The following CTNND2 variants were observed in gnomAD, a reference collection of about 807,000 sequenced individuals.
The protein encoded by CTNND2 is catenin delta 2, also known as catenin delta-2.
CTNND2 carries 22 observed loss-of-function variants against 144.4 expected under a neutral mutation model. That is an observed-to-expected ratio of 0.15 (90% CI 0.11 to 0.22). The LOEUF is 0.22. Among genes scored for constraint, CTNND2 ranks in the 10% least tolerant of loss-of-function variants. CTNND2 has a pLI of 1.00. For missense variants in CTNND2, 1,353 were observed against 1,618.8 expected (o/e 0.84, Z 2.82); for synonymous variants, 751 against 695.6 (o/e 1.08, Z -1.25).
chr5:11,587,382 TAGTAAG>T (rs1449379086), intron 2 of CTNND2, among the ~76,000 whole-genome samples: 3 of 152,104 alleles, frequency 2.0e-5, no homozygotes, highest in Non-Finnish European at 2.9e-5. Context: ...ATGAAATACT[TAGTAAG>T]AGATGCCCTC....
At chr5:11,272,120 C>A (rs1746087912) in intron 9 of CTNND2, among the ~76,000 whole-genome samples, 3 of 151,964 alleles carry the variant, frequency 2.0e-5, no homozygotes, top group African/African-American at 7.3e-5. Context: ...CAATTCCTGA[C>A]AAATAAACAG....
intron 8 of CTNND2, among the ~76,000 whole-genome samples, chr5:11,355,677 G>A (rs1181966111): frequency 6.6e-6 from 1 of 152,120 alleles, no homozygotes; most frequent in Non-Finnish European, 1.5e-5. Context: ...GGAAGTCCTA[G>A]TCAGAGTGAT....
chr5:11,084,567 C>T (rs1561279082), intron 15 of CTNND2, among the ~76,000 whole-genome samples: 1 of 152,178 alleles, frequency 6.6e-6, no homozygotes, highest in Non-Finnish European at 1.5e-5. Flanking sequence ...TAACTTGCAA[C>T]ATCGGGGAGA....
chr5:11,372,547 G>A (rs2149783445), intron 7 of CTNND2, among the ~76,000 whole-genome samples: 1 of 152,268 alleles, frequency 6.6e-6, no homozygotes, highest in East Asian at 1.9e-4. Flanking sequence ...GAACCGGTAG[G>A]AACCTATGGC....
chr5:11,658,998 A>G (rs1271855939), intron 2 of CTNND2, among the ~76,000 whole-genome samples: 1 of 152,112 alleles, frequency 6.6e-6, no homozygotes, highest in Admixed American at 6.6e-5. Flanking sequence ...GTTTAATAAA[A>G]ACTTTTAAAA....
chr5:11,168,658 A>C (rs61751831), intron 11 of CTNND2, among the ~76,000 whole-genome samples: 3,804 of 152,296 alleles, frequency 0.025, 78 homozygotes, highest in Non-Finnish European at 0.041. Flanking sequence ...ACAGTTAAAG[A>C]CTATACTCTT....
intron 1 of CTNND2, among the ~76,000 whole-genome samples, chr5:11,762,445 G>A (rs147987009): frequency 1.5e-4 from 23 of 152,114 alleles, no homozygotes; most frequent in African/African-American, 5.5e-4. Flanking sequence ...TGAAGTACCT[G>A]GCACAAAATA....
intron 2 of CTNND2, among the ~76,000 whole-genome samples, chr5:11,619,178 CG>C (rs1422301121): frequency 6.6e-6 from 1 of 152,090 alleles, no homozygotes; most frequent in African/African-American, 2.4e-5. Flanking sequence ...GAGGCCAAGA[CG>C]GGAGGATCAC....
intron 2 of CTNND2, among the ~76,000 whole-genome samples, chr5:11,714,672 C>G (rs541664684): frequency 6.6e-6 from 1 of 151,780 alleles, no homozygotes; most frequent in Non-Finnish European, 1.5e-5. Context: ...TTTGGGAGGC[C>G]GAGGCGGGCG....
At chr5:11,540,923 G>T (rs1018223359) in intron 3 of CTNND2, among the ~76,000 whole-genome samples, 1 of 152,114 alleles carries the variant, frequency 6.6e-6, no homozygotes, top group African/African-American at 2.4e-5. Flanking sequence ...AGTGAATATT[G>T]GCTATTATTG....
At chr5:11,026,356 CTTTTTTTTTT>C (rs67196223) in intron 16 of CTNND2, among the ~76,000 whole-genome samples, 2 of 117,042 alleles carry the variant, frequency 1.7e-5, no homozygotes, top group African/African-American at 3.1e-5. Flanking sequence ...CCTTCTTCTT[CTTTTTTTTTT>C]TTTTTTTTTT....
At chr5:11,498,061 C>A (rs1770152503) in intron 3 of CTNND2, among the ~76,000 whole-genome samples, 1 of 152,114 alleles carries the variant, frequency 6.6e-6, no homozygotes, top group Admixed American at 6.6e-5. Flanking sequence ...TCAGGACTCC[C>A]CAGCCAAGAA....
chr5:11,666,074 T>C (rs1192894478), intron 2 of CTNND2, among the ~76,000 whole-genome samples: 1 of 152,196 alleles, frequency 6.6e-6, no homozygotes, highest in African/African-American at 2.4e-5. Flanking sequence ...TACAGAATGA[T>C]AGCCAAGAAG....
chr5:11,685,173 T>C (rs930182314), intron 2 of CTNND2, among the ~76,000 whole-genome samples: 2 of 152,182 alleles, frequency 1.3e-5, no homozygotes, highest in African/African-American at 4.8e-5. Flanking sequence ...CCTAAGACAT[T>C]TTCTTTGTCC....
At chr5:10,978,703 G>A (rs377708616) in intron 21 of CTNND2, among the ~76,000 whole-genome samples, 119 of 152,336 alleles carry the variant, frequency 7.8e-4, no homozygotes, top group African/African-American at 2.7e-3. Flanking sequence ...TCTCCATCCA[G>A]GGTGGATTTT....
intron 18 of CTNND2, among the ~76,000 whole-genome samples, chr5:11,001,131 C>CT (rs1449267336): frequency 1.3e-5 from 2 of 152,204 alleles, no homozygotes; most frequent in African/African-American, 4.8e-5. Flanking sequence ...GCATGCACTG[C>CT]TTATGAGACT....
At chr5:11,395,864 T>C (rs1760066702) in intron 6 of CTNND2, among the ~76,000 whole-genome samples, 1 of 152,244 alleles carries the variant, frequency 6.6e-6, no homozygotes, top group Non-Finnish European at 1.5e-5. Context: ...TAGTGGTGCC[T>C]GCACCAGGCT....
chr5:11,162,772 A>G (rs1219850222), intron 11 of CTNND2, among the ~76,000 whole-genome samples: 3 of 148,710 alleles, frequency 2.0e-5, no homozygotes, highest in Non-Finnish European at 4.5e-5. Context: ...CCTGGACATG[A>G]GACAGGTTTA....
intron 16 of CTNND2, among the ~76,000 whole-genome samples, chr5:11,025,518 G>C (rs2149543032): frequency 6.6e-6 from 1 of 152,324 alleles, no homozygotes; most frequent in South Asian, 2.1e-4. Context: ...GATAGGACTG[G>C]AGTTATTATG....
Sources: allele counts gnomAD v4.1 joint callset (sites outside exome capture counted in the v4.1 genomes callset), GRCh38; gene constraint gnomAD v4.1.1; transcripts MANE v1.5; gene names NCBI Gene and HGNC (gene_info 2026-07-23, HGNC 2026-07-21).